The following PPFIBP1 variants were observed in gnomAD, a reference collection of about 807,000 sequenced individuals.
The protein encoded by PPFIBP1 is liprin-beta-1.
Under a neutral mutation model 137.8 loss-of-function variants are expected in PPFIBP1, and 112 were observed. The ratio of observed to expected loss-of-function variants is 0.81; its 90% CI spans 0.70 to 0.95. The LOEUF is 0.95. Among genes scored for constraint, PPFIBP1 ranks in the 40% least tolerant of loss-of-function variants. The probability of loss-of-function intolerance (pLI) is 0.00; values close to 1 mark genes in which losing one functional copy is unlikely to be tolerated. For synonymous variants in PPFIBP1, 378 were observed against 417.3 expected (o/e 0.91, Z 1.15); for missense variants, 1,083 against 1,196.6 (o/e 0.91, Z 1.40).
At chr12:27,530,475 C>G (rs306652) in intron 1 of PPFIBP1, among the ~76,000 whole-genome samples, 64,108 of 152,024 alleles carry the variant, frequency 0.42, 13,847 homozygotes, top group Middle Eastern at 0.5. Flanking sequence ...CAATGTGTGA[C>G]TTTGCATAAC....
intron 2 of PPFIBP1, among the ~76,000 whole-genome samples, chr12:27,589,137 A>T (rs2052151320): frequency 6.6e-6 from 1 of 152,226 alleles, no homozygotes; most frequent in Non-Finnish European, 1.5e-5. Context: ...CATGCTATAT[A>T]AGTTCTCCCA....
chr12:27,683,101 T>A (rs1363812324), intron 24 of PPFIBP1, among the ~76,000 whole-genome samples: 1 of 152,214 alleles, frequency 6.6e-6, no homozygotes, highest in African/African-American at 2.4e-5. Flanking sequence ...TCTCGCTCTG[T>A]CACCCAGGCT....
chr12:27,573,886 G>C (rs1446992524), intron 1 of PPFIBP1, among the ~76,000 whole-genome samples: 1 of 151,824 alleles, frequency 6.6e-6, no homozygotes, highest in East Asian at 1.9e-4. Context: ...GGAGACTGAA[G>C]CAAGAGGATT....
chr12:27,669,564 A>C (rs924365856), intron 13 of PPFIBP1, among the ~76,000 whole-genome samples: 1 of 152,160 alleles, frequency 6.6e-6, no homozygotes, highest in African/African-American at 2.4e-5. Flanking sequence ...TTAAAGTCTT[A>C]AAGTTTGAAA....
rs1026973143 is a variant in PPFIBP1, at chr12:27,617,203, C to A, written c.-35-16159C>A. ...ATTTGAAAAGTATGTTGTTCCGCAG[C>A]CTTGTTTTTAGGCTCAAATAAACAC... On this transcript the variant is annotated intron_variant, in intron 2 of 29. Transcript: ENST00000228425. Among the ~76,000 whole-genome samples, 20 of 152,162 alleles carry A rather than the reference C, an allele frequency of 1.3e-4. 1 individual carries two copies. The highest frequency in any genetic ancestry group is 1.2e-3 in the Admixed American group (19 of 15,278).
At chr12:27,602,075 C>A (rs1341227582) in intron 2 of PPFIBP1, among the ~76,000 whole-genome samples, 1 of 152,224 alleles carries the variant, frequency 6.6e-6, no homozygotes, top group Non-Finnish European at 1.5e-5. Flanking sequence ...CTGCTCTAGA[C>A]AGTCCCTGTG....
At chr12:27,688,484 A>G (rs559540985) in intron 26 of PPFIBP1, 61 bp downstream of exon 26, 1 of 1,570,646 alleles carries the variant, frequency 6.4e-7, no homozygotes, top group South Asian at 1.2e-5. Context: ...AGTCAGTAGG[A>G]TATTATCAAT....
At chr12:27,565,066 C>G (rs547002855) in intron 1 of PPFIBP1, among the ~76,000 whole-genome samples, 7 of 152,362 alleles carry the variant, frequency 4.6e-5, no homozygotes, top group African/African-American at 1.7e-4. Context: ...CCTTCAGTAG[C>G]TCTTAGAATG....
At chr12:27,647,413 A>G (rs1279787480) in intron 5 of PPFIBP1, among the ~76,000 whole-genome samples, 1 of 152,010 alleles carries the variant, frequency 6.6e-6, no homozygotes, top group African/African-American at 2.4e-5. Context: ...TACTATCTCC[A>G]CGCTGCCCCC....
At chr12:27,691,276 G>C (rs980822082) in intron 27 of PPFIBP1, among the ~76,000 whole-genome samples, 1 of 151,808 alleles carries the variant, frequency 6.6e-6, no homozygotes, top group African/African-American at 2.4e-5. Context: ...ATTAAGTCCT[G>C]TCTAATCAAA....
rs992834774 is a variant in PPFIBP1 at position 27,694,057 on chromosome 12, A to G, written c.*1175A>G. The G allele has an allele frequency of 6.6e-6, 1 of 152,034 alleles. No individual in the cohort carries two copies. Among genetic ancestry groups the G allele is most frequent in the Non-Finnish European group, 1.5e-5 (1 of 68,054 alleles). 9.4% of individuals were successfully genotyped at this position (152,034 alleles called of 1,614,324 possible). A position where few individuals can be genotyped will look rare whatever the true frequency, so the allele number is the denominator to read the frequency against. ...CATGCTGGAGTGCAGTGGCGTGATC[A>G]TAGCTCACTGCAGCCTTGAATTCCT... On this transcript the variant is annotated 3_prime_UTR_variant, in exon 30 of 30. Transcript: ENST00000228425.
At chr12:27,660,994 T>C in intron 11 of PPFIBP1, 49 bp downstream of exon 11, 1 of 1,601,676 alleles carries the variant, frequency 6.2e-7, no homozygotes, top group South Asian at 1.1e-5. Context: ...TTAACACCAT[T>C]TTGACCATTC....
At chr12:27,545,358 G>A (rs377382093) in intron 1 of PPFIBP1, among the ~76,000 whole-genome samples, 7 of 152,088 alleles carry the variant, frequency 4.6e-5, no homozygotes, top group African/African-American at 1.2e-4. Flanking sequence ...CGTTCTGCAC[G>A]TGTATCCCAG....
chr12:27,648,051 G>A, intron 6 of PPFIBP1: 2 of 551,370 alleles, frequency 3.6e-6, no homozygotes, highest in Non-Finnish European at 5.5e-6. Flanking sequence ...GGAACAAAAT[G>A]TCAATAGGAT....
intron 2 of PPFIBP1, chr12:27,594,178 T>C (rs1186384579): frequency 1.0e-5 from 3 of 290,988 alleles, no homozygotes; most frequent in East Asian, 1.4e-4. Context: ...TTTTCTATTT[T>C]TTTTTTTTTT....
At position 27,676,464 on chromosome 12, in the gene PPFIBP1, C is replaced by T. The variant is rs770998280; in HGVS notation, c.1447C>T (p.Leu483Phe). ...APAESRPFGTLPPRPPGQDTS... is the reference protein window; with the variant it reads ...APAESRPFGTFPPRPPGQDTS... ...GGCAGAAAGCAGGCCATTTGGGACC[C>T]TTCCTCCCAGGCCCCCAGGGCAGGA... is the stretch of plus-strand genomic sequence containing the variant. Residue 483 changes from leucine to phenylalanine, a missense_variant, in exon 18 of 30, where the codon CTT becomes TTT. By Grantham distance (22) the Leu-to-Phe change is conservative. Coordinates refer to ENST00000228425, the MANE Select transcript of PPFIBP1 (RefSeq NM_003622.4). The T allele has an allele frequency of 5.1e-6, 8 of 1,573,386 alleles. No individual in the cohort carries two copies. In the East Asian group the frequency reaches 1.8e-4, roughly 36 times the overall value.
At chr12:27,636,964 G>A (rs1314471683) in intron 4 of PPFIBP1, 1 of 152,224 alleles carries the variant, frequency 6.6e-6, no homozygotes, top group Non-Finnish European at 1.5e-5. Flanking sequence ...TCTTTCGCCA[G>A]ATATTTGCAT....
At chr12:27,632,792 A>G (rs1436549234) in intron 2 of PPFIBP1, among the ~76,000 whole-genome samples, 3 of 152,222 alleles carry the variant, frequency 2.0e-5, no homozygotes, top group Non-Finnish European at 4.4e-5. Context: ...AGGAAACACT[A>G]TAGGCACTCA....
intron 21 of PPFIBP1, among the ~76,000 whole-genome samples, chr12:27,681,003 AT>A (rs35589930): frequency 0.056 from 8,502 of 152,146 alleles, 405 homozygotes; most frequent in East Asian, 0.21. Context: ...AAAAAAAACC[AT>A]TCATCTTCCC....
Sources: allele counts gnomAD v4.1 joint callset (sites outside exome capture counted in the v4.1 genomes callset), GRCh38; gene constraint gnomAD v4.1.1; transcripts MANE v1.5; gene names NCBI Gene and HGNC (gene_info 2026-07-23, HGNC 2026-07-21).